The following CTNNA2 variants were observed in gnomAD, a reference collection of about 807,000 sequenced individuals.
CTNNA2 encodes the protein catenin alpha-2.
Under a neutral mutation model 101.0 loss-of-function variants are expected in CTNNA2, and 42 were observed. The ratio of observed to expected loss-of-function variants is 0.42; its 90% confidence interval spans 0.32 to 0.54. CTNNA2 has a LOEUF of 0.54. Among genes scored for constraint, CTNNA2 ranks in the 20% least tolerant of loss-of-function variants. CTNNA2 has a pLI of 0.14. For synonymous variants in CTNNA2, 450 were observed against 456.4 expected (o/e 0.99, Z 0.18); for missense variants, 871 against 1,223.1 (o/e 0.71, Z 4.29).
At chr2:79,758,222 G>T (rs1672529348) in intron 3 of CTNNA2, among the ~76,000 whole-genome samples, 1 of 152,074 alleles carries the variant, frequency 6.6e-6, no homozygotes, top group Admixed American at 6.6e-5. Flanking sequence ...CTAAAAGCTA[G>T]GTCTGTAATT....
chr2:79,745,710 A>T (rs1671597930), intron 3 of CTNNA2, among the ~76,000 whole-genome samples: 2 of 152,258 alleles, frequency 1.3e-5, no homozygotes, highest in Non-Finnish European at 2.9e-5. Context: ...GGCTTATTTC[A>T]CTTAGCATAA....
intron 4 of CTNNA2, among the ~76,000 whole-genome samples, chr2:79,407,982 T>C (rs1281098404): frequency 6.6e-6 from 1 of 152,094 alleles, no homozygotes; most frequent in Admixed American, 6.6e-5. Flanking sequence ...CTCTAACTCC[T>C]GACTTCAGGT....
At chr2:80,138,649 G>A (rs1304217672) in intron 7 of CTNNA2, among the ~76,000 whole-genome samples, 1 of 151,978 alleles carries the variant, frequency 6.6e-6, no homozygotes, top group African/African-American at 2.4e-5. Context: ...TTGAGCAGCT[G>A]GACTGCCTGA....
intron 3 of CTNNA2, among the ~76,000 whole-genome samples, chr2:79,745,148 C>T (rs7579166): frequency 6.6e-6 from 1 of 152,058 alleles, no homozygotes. Context: ...GTTCTAACTA[C>T]GGCCGGGTGC....
At chr2:79,250,681 T>C (rs1322528981) in intron 2 of CTNNA2, among the ~76,000 whole-genome samples, 1 of 152,214 alleles carries the variant, frequency 6.6e-6, no homozygotes, top group East Asian at 1.9e-4. Flanking sequence ...GCTAGGCCTG[T>C]GGACTCACAT....
At chr2:79,301,697 TA>T (rs1375556327) in intron 2 of CTNNA2, among the ~76,000 whole-genome samples, 1 of 152,110 alleles carries the variant, frequency 6.6e-6, no homozygotes, top group Non-Finnish European at 1.5e-5. Flanking sequence ...AGTCAGAATA[TA>T]ATCCCTGTGA....
intron 1 of CTNNA2, among the ~76,000 whole-genome samples, chr2:79,619,916 C>T (rs906827981): frequency 2.0e-5 from 3 of 152,128 alleles, no homozygotes; most frequent in Admixed American, 6.5e-5. Flanking sequence ...CTTGCTGACT[C>T]ACTTGATTTT....
chr2:79,337,227 G>A (rs565313687), intron 3 of CTNNA2, among the ~76,000 whole-genome samples: 15 of 152,258 alleles, frequency 9.9e-5, no homozygotes, highest in African/African-American at 3.4e-4. Context: ...GTCTGTAACT[G>A]ACCCAAGATA....
At chr2:79,519,632 C>A (rs1450701599) in intron 1 of CTNNA2, among the ~76,000 whole-genome samples, 1 of 152,000 alleles carries the variant, frequency 6.6e-6, no homozygotes, top group Non-Finnish European at 1.5e-5. Context: ...TCATTGTGTT[C>A]CATTTGTTTT....
intron 7 of CTNNA2, among the ~76,000 whole-genome samples, chr2:80,331,816 C>T (rs1271347759): frequency 6.6e-6 from 1 of 152,098 alleles, no homozygotes; most frequent in African/African-American, 2.4e-5. Context: ...AAGAACTGCT[C>T]CCCTCCAGAA....
chr2:80,382,496 C>T (rs1230099848), intron 7 of CTNNA2, among the ~76,000 whole-genome samples: 1 of 152,108 alleles, frequency 6.6e-6, no homozygotes, highest in East Asian at 1.9e-4. Context: ...AGAATTATTT[C>T]CTTGGTGAGA....
At chr2:79,835,282 C>CAT (rs1679237434) in intron 3 of CTNNA2, among the ~76,000 whole-genome samples, 1 of 152,018 alleles carries the variant, frequency 6.6e-6, no homozygotes, top group Non-Finnish European at 1.5e-5. Context: ...ATACTGAGTC[C>CAT]ATATAAATCT....
At chr2:79,796,779 A>G (rs1180586151) in intron 3 of CTNNA2, among the ~76,000 whole-genome samples, 2 of 152,192 alleles carry the variant, frequency 1.3e-5, no homozygotes, top group Admixed American at 6.5e-5. Context: ...GTTACTAGGA[A>G]TGCAAATGCA....
At chr2:80,435,188 C>T (rs1681922266) in intron 9 of CTNNA2, among the ~76,000 whole-genome samples, 1 of 152,178 alleles carries the variant, frequency 6.6e-6, no homozygotes, top group Admixed American at 6.5e-5. Context: ...AGAATCACTT[C>T]TCTATAATCT....
chr2:79,299,507 G>T (rs1427153067), intron 2 of CTNNA2, among the ~76,000 whole-genome samples: 1 of 152,160 alleles, frequency 6.6e-6, no homozygotes, highest in Admixed American at 6.5e-5. Context: ...CTAAGAGGTT[G>T]TTCTCTTTCA....
intron 9 of CTNNA2, among the ~76,000 whole-genome samples, chr2:80,529,943 G>T (rs181988002): frequency 1.3e-5 from 2 of 152,176 alleles, no homozygotes; most frequent in African/African-American, 4.8e-5. Flanking sequence ...CTGCTCCTAC[G>T]GGTGTTGGTT....
At chr2:80,577,439 G>A (rs1344278191) in intron 13 of CTNNA2, among the ~76,000 whole-genome samples, 3 of 152,108 alleles carry the variant, frequency 2.0e-5, no homozygotes, top group Admixed American at 2.0e-4. Flanking sequence ...AAGTGCAAAG[G>A]TTGGAGCCAG....
At chr2:79,701,679 C>T (rs1685010951) in intron 2 of CTNNA2, among the ~76,000 whole-genome samples, 1 of 152,072 alleles carries the variant, frequency 6.6e-6, no homozygotes. Context: ...GTTAATGACT[C>T]CTGAAAGATG....
intron 2 of CTNNA2, among the ~76,000 whole-genome samples, chr2:79,703,520 A>T (rs1299780043): frequency 6.6e-6 from 1 of 152,196 alleles, no homozygotes; most frequent in Non-Finnish European, 1.5e-5. Flanking sequence ...GCCAATGTTC[A>T]TATTTCCCCT....
Sources: gnomAD v4.1 joint callset for allele counts (sites outside exome capture counted in the v4.1 genomes callset) on GRCh38, gnomAD v4.1.1 for gene constraint, MANE v1.5 for transcripts, NCBI Gene and HGNC (gene_info 2026-07-23, HGNC 2026-07-21) for gene names.